The following CNOT2 variants were observed in gnomAD, a reference collection of about 807,000 sequenced individuals.
The protein encoded by CNOT2 is CCR4-NOT transcription complex subunit 2, also known as CC chemokine receptor 4-negative regulator of transcription 2.
A neutral mutation model predicts 72.1 loss-of-function variants in CNOT2; 7 were observed. That is an observed-to-expected ratio of 0.10 (90% CI 0.06 to 0.18). CNOT2 has a LOEUF of 0.18. Among genes scored for constraint, CNOT2 ranks in the 10% least tolerant of loss-of-function variants. The pLI, the probability that CNOT2 is intolerant of heterozygous loss-of-function variation, is 1.00. For missense variants in CNOT2, 345 were observed against 660.3 expected, an observed-to-expected ratio of 0.52 and a Z score of 5.23; for synonymous variants, 196 against 225.6, an observed-to-expected ratio of 0.87 and a Z score of 1.17.
At chr12:70,341,557 C>T (rs1463433601) in intron 11 of CNOT2, among the ~76,000 whole-genome samples, 1 of 152,160 alleles carries the variant, frequency 6.6e-6, no homozygotes, top group Non-Finnish European at 1.5e-5. Flanking sequence ...GTCTGTCCCC[C>T]TCCAATCCAC....
At chr12:70,256,976 G>A (rs1019542138) in intron 1 of CNOT2, among the ~76,000 whole-genome samples, 5 of 152,086 alleles carry the variant, frequency 3.3e-5, no homozygotes, top group African/African-American at 1.2e-4. Flanking sequence ...ATCCAAAACA[G>A]GATTCTTAAT....
rs1933581982 is a variant in CNOT2 at position 70,335,359 on chromosome 12, A to ATTATATTATGGTTGGT, written c.650-76_650-61dup. The ATTATATTATGGTTGGT allele has an allele frequency of 6.4e-6, 7 of 1,085,838 alleles. No individual in the cohort carries two copies. In the Admixed American group the frequency reaches 7.2e-5, roughly 11 times the overall value. The allele number at this position is 1,085,838 out of a possible 1,614,324, so 67.3% of individuals were successfully genotyped here. On this transcript the variant is annotated intron_variant, in intron 7 of 15. Transcript: ENST00000229195. The stretch of plus-strand genomic sequence containing the variant: ...TAGGAAGAAGGCGCAATCATTTCGA[A>ATTATATTATGGTTGGT]TTATATTATGGTTGGTTTTTATAAT...
At position 70,339,074 on chromosome 12, in the gene CNOT2, G is replaced by GTATA. The variant is rs1247320387; in HGVS notation, c.1178+253_1178+254insATAT. 7.0e-5 allele frequency among the ~76,000 whole-genome samples: 9 copies of GTATA among 129,232 alleles called. No homozygotes were observed. In the South Asian group the frequency reaches 1.9e-3, roughly 27 times the overall value. 84.8% of individuals were successfully genotyped at this position (129,232 alleles called of 152,430 possible). On this transcript the variant is annotated intron_variant, in intron 11 of 15. Coordinates refer to ENST00000229195, the MANE Select transcript of CNOT2 (RefSeq NM_014515.7). ...TGCATGTGCATGTATATATGTGTGT[G>GTATA]TGTATATATATATATATACACACAC...
chr12:70,250,493 C>G (rs1958090209), intron 1 of CNOT2, among the ~76,000 whole-genome samples: 1 of 151,960 alleles, frequency 6.6e-6, no homozygotes, highest in African/African-American at 2.4e-5. Flanking sequence ...GTGATCCAGA[C>G]AAGTCTCCAC....
chr12:70,289,354 T>C (rs1306478211), intron 2 of CNOT2, among the ~76,000 whole-genome samples: 1 of 152,116 alleles, frequency 6.6e-6, no homozygotes, highest in Non-Finnish European at 1.5e-5. Flanking sequence ...TATACCTTTT[T>C]CTCTCTGGCT....
chr12:70,269,742 T>G (rs1018773377), intron 1 of CNOT2, among the ~76,000 whole-genome samples: 57 of 152,160 alleles, frequency 3.7e-4, no homozygotes, highest in African/African-American at 1.4e-3. Context: ...ATACTAAATT[T>G]CAGTTAGAGG....
rs767686901 is a variant in CNOT2 at position 70,338,677 on chromosome 12, A to G, written c.1033A>G (p.Asn345Asp). The change falls in exon 11 of 16, where the codon AAC (asparagine) becomes GAC (aspartate). Residue 345 changes from asparagine (N) to aspartate (D), a missense_variant. Asn to Asp is a conservative substitution (Grantham distance 23). Around this residue, in one of 4 missense-constraint regions of CNOT2, gnomAD observed 128 missense variants for 233.0 expected, o/e 0.55. Coordinates refer to ENST00000229195, the MANE Select transcript of CNOT2 (RefSeq NM_014515.7). Reference sequence around the variant, plus strand: ...TTTTTCCTACCCAGGTCGGGTTACTAACATTCCTCAAGGGATGGTGACGGA... The same window carrying G: ...TTTTTCCTACCCAGGTCGGGTTACTGACATTCCTCAAGGGATGGTGACGGA... ...IQVLPDGRVT[N>D]IPQGMVTDQF... 1.9e-6 allele frequency: 3 copies of G among 1,612,886 alleles called. No individual in the cohort carries two copies. The highest frequency in any genetic ancestry group is 4.5e-5 in the East Asian group (2 of 44,846).
chr12:70,316,901 G>T (rs10784837), intron 3 of CNOT2, among the ~76,000 whole-genome samples: 1 of 151,936 alleles, frequency 6.6e-6, no homozygotes, highest in Non-Finnish European at 1.5e-5. Flanking sequence ...AGACTAAAAT[G>T]TGTGTTGTCT....
At chr12:70,349,516 T>C (rs1436805029) in intron 15 of CNOT2, among the ~76,000 whole-genome samples, 1 of 152,192 alleles carries the variant, frequency 6.6e-6, no homozygotes, top group African/African-American at 2.4e-5. Context: ...TTTATGTCCA[T>C]TCATAATATT....
intron 2 of CNOT2, among the ~76,000 whole-genome samples, chr12:70,305,421 C>G (rs1458875165): frequency 6.6e-6 from 1 of 152,120 alleles, no homozygotes; most frequent in Non-Finnish European, 1.5e-5. Flanking sequence ...GGGATTATTA[C>G]AGTTCAAGGT....
At chr12:70,288,900 T>G (rs574756060) in intron 2 of CNOT2, among the ~76,000 whole-genome samples, 1 of 152,276 alleles carries the variant, frequency 6.6e-6, no homozygotes, top group South Asian at 2.1e-4. Context: ...GGTGGTAATG[T>G]TATTTCTGCG....
intron 2 of CNOT2, among the ~76,000 whole-genome samples, chr12:70,298,943 G>C (rs1454362349): frequency 6.6e-6 from 1 of 152,092 alleles, no homozygotes; most frequent in Non-Finnish European, 1.5e-5. Flanking sequence ...AGAATTGAGG[G>C]GAAGAAGAAT....
chr12:70,337,753 TAGTCCCTGTCA>T (rs1880896625), intron 9 of CNOT2: 2 of 535,416 alleles, frequency 3.7e-6, no homozygotes, highest in African/African-American at 3.8e-5. Context: ...ACTTTTATTG[TAGTCCCTGTCA>T]GCTGGATCCC....
intron 1 of CNOT2, among the ~76,000 whole-genome samples, chr12:70,268,606 C>T (rs1447180598): frequency 1.3e-5 from 2 of 151,318 alleles, no homozygotes; most frequent in South Asian, 2.1e-4. Flanking sequence ...TGTGCCATCA[C>T]GCTCAGCTTA....
chr12:70,326,342 T>C (rs892067022), intron 4 of CNOT2, among the ~76,000 whole-genome samples: 11 of 151,854 alleles, frequency 7.2e-5, no homozygotes, highest in African/African-American at 2.4e-4. Context: ...ATTTTAATTT[T>C]ACTGTCCTTC....
rs1381824259 is a variant in CNOT2, at chr12:70,329,436, T to A, written c.252T>A (p.Leu84=). 22 of 1,611,344 alleles carry A rather than the reference T, an allele frequency of 1.4e-5. No homozygotes were observed. The highest frequency in any genetic ancestry group is 1.9e-5 in the Non-Finnish European group (22 of 1,178,332). ...TTTTTTTATTAGGTGCACTAGGCCT[T>A]CCAATGAGGGGGATGAGCAACAATA... The part of the protein sequence containing the change: ...SLYGQQSALG[L]PMRGMSNNTP... The change falls in exon 5 of 16, where the codon CTT becomes CTA. Residue 84 remains leucine (L), a synonymous_variant. Transcript: ENST00000229195.
chr12:70,306,114 G>T (rs1475076998), intron 2 of CNOT2, among the ~76,000 whole-genome samples: 3 of 151,596 alleles, frequency 2.0e-5, no homozygotes, highest in African/African-American at 7.3e-5. Context: ...GATTTGGTTT[G>T]GTACAGAGGA....
chr12:70,278,340 G>A (rs1869213935), intron 2 of CNOT2, 66 bp downstream of exon 2: 1 of 1,220,584 alleles, frequency 8.2e-7, no homozygotes, highest in South Asian at 1.3e-5. Flanking sequence ...GTTCAAATGT[G>A]TTATATGTAA....
intron 2 of CNOT2, among the ~76,000 whole-genome samples, chr12:70,307,126 A>T (rs369037101): frequency 7.2e-5 from 11 of 152,346 alleles, no homozygotes; most frequent in African/African-American, 2.4e-4. Flanking sequence ...GTAAAGGCTT[A>T]GGACATTACA....
Sources: allele counts gnomAD v4.1 joint callset (sites outside exome capture counted in the v4.1 genomes callset), GRCh38; gene constraint gnomAD v4.1.1; regional missense constraint gnomAD v4.1.1; transcripts MANE v1.5; gene names NCBI Gene and HGNC (gene_info 2026-07-23, HGNC 2026-07-21).